POLR2F: variants seen among roughly 807,000 people sequenced by gnomAD.
POLR2F encodes the protein DNA-directed RNA polymerases I, II, and III subunit RPABC2.
POLR2F carries 12 observed loss-of-function variants against 22.7 expected under a neutral mutation model. The observed-to-expected ratio is 0.53, with a 90% CI of 0.34 to 0.86. POLR2F has a LOEUF of 0.86. POLR2F is among the 40% of genes least tolerant of loss of function. The probability of loss-of-function intolerance (pLI) is 0.02; values close to 1 mark genes in which losing one functional copy is unlikely to be tolerated. For synonymous variants in POLR2F, 57 were observed against 66.0 expected, an observed-to-expected ratio of 0.86 and a Z score of 0.66; for missense variants, 126 against 171.5, an observed-to-expected ratio of 0.73 and a Z score of 1.48.
chr22:38,021,006 G>T (rs1286401485), intron 1 of POLR2F, among the ~76,000 whole-genome samples: 1 of 152,176 alleles, frequency 6.6e-6, no homozygotes, highest in Non-Finnish European at 1.5e-5. Flanking sequence ...CTGTCCCTTT[G>T]CTCATGGCCA....
rs904138202 is a variant in POLR2F, at chr22:37,997,401, T to G, written c.120+11089T>G. Reference sequence around the variant, plus strand: ...CTTGGTGTCCTTCTTGTCCTGGCCCTCCTGCCCTGGCTCCCTGTCTCTCTC... The same window carrying G: ...CTTGGTGTCCTTCTTGTCCTGGCCCGCCTGCCCTGGCTCCCTGTCTCTCTC... On this transcript the variant is annotated intron_variant, in intron 1 of 2. Transcript: ENST00000333418. The surrounding 1 kb of genome is among the most constrained non-coding windows in gnomAD (Gnocchi z 4.4). Among the ~76,000 whole-genome samples the G allele has an allele frequency of 6.6e-6, 1 of 152,080 alleles. No individual in the cohort carries two copies. Among genetic ancestry groups the G allele is most frequent in the Non-Finnish European group, 1.5e-5 (1 of 68,014 alleles).
At chr22:38,012,171 T>G (rs1288254932) in intron 1 of POLR2F, among the ~76,000 whole-genome samples, 1 of 150,868 alleles carries the variant, frequency 6.6e-6, no homozygotes, top group Non-Finnish European at 1.5e-5. Context: ...AACCTCCACC[T>G]CCTGGGTTCA....
chr22:37,980,279 G>A lies in POLR2F; in HGVS notation c.293+13109G>A, dbSNP rs1352912622. ...AACCCACAGAGGAGAGAGCTGCTCC[G>A]CCAGCAGTGGACCCCAACAGAGGGG... On this transcript the variant is annotated intron_variant, in intron 4 of 4. Coordinates refer to the POLR2F transcript ENST00000405557. The surrounding 1 kb of genome is among the most constrained non-coding windows in gnomAD (Gnocchi z 4.1). Among the ~76,000 whole-genome samples the A allele has an allele frequency of 2.6e-5, 4 of 152,212 alleles. No individual in the cohort carries two copies. Among genetic ancestry groups the A allele is most frequent in the South Asian group, 2.1e-4 (1 of 4,818 alleles).
At chr22:38,030,759 A>C (rs184395361), downstream of POLR2F, among the ~76,000 whole-genome samples, 56 of 152,190 alleles carry the variant, frequency 3.7e-4, no homozygotes, top group Non-Finnish European at 1.5e-5. Context: ...CGGGATAAGA[A>C]GAGGTCATGC....
downstream of POLR2F, among the ~76,000 whole-genome samples, chr22:38,027,367 G>C (rs897510267): frequency 2.6e-5 from 4 of 152,072 alleles, no homozygotes; most frequent in Non-Finnish European, 5.9e-5. Context: ...GTGAAATGGA[G>C]GCGTGTCACC....
downstream of POLR2F, among the ~76,000 whole-genome samples, chr22:38,030,754 TAAG>T (rs2085056839): frequency 6.6e-6 from 1 of 151,962 alleles, no homozygotes; most frequent in African/African-American, 2.4e-5. Flanking sequence ...ACTCCCGGGA[TAAG>T]AAGAGGTCAT....
chr22:38,007,642 C>T (rs972383858), intron 1 of POLR2F, among the ~76,000 whole-genome samples: 2 of 152,166 alleles, frequency 1.3e-5, no homozygotes, highest in Non-Finnish European at 2.9e-5. Context: ...GAGAGGGCAC[C>T]GCGGGCCTCC....
intron 1 of POLR2F, among the ~76,000 whole-genome samples, chr22:37,990,099 C>G (rs1466123546): frequency 6.6e-6 from 1 of 152,214 alleles, no homozygotes; most frequent in East Asian, 1.9e-4. Flanking sequence ...TCAGCCTCGG[C>G]TCACCTTCCC....
upstream of POLR2F, among the ~76,000 whole-genome samples, chr22:37,982,702 T>TG (rs1491577712): frequency 6.6e-6 from 1 of 151,924 alleles, no homozygotes; most frequent in Non-Finnish European, 1.5e-5. Context: ...TTGGTGACTC[T>TG]GGGGCAGGGC....
intron 1 of POLR2F, among the ~76,000 whole-genome samples, chr22:38,021,104 C>T (rs1248828400): frequency 6.6e-6 from 1 of 152,128 alleles, no homozygotes; most frequent in Non-Finnish European, 1.5e-5. Context: ...CTGGGGCGCA[C>T]ACTGCTTCTG....
upstream of POLR2F, chr22:37,986,162 C>T (rs758878756): frequency 1.6e-5 from 24 of 1,535,212 alleles, no homozygotes; most frequent in Admixed American, 2.0e-4. The surrounding 1 kb of genome is among the most constrained non-coding windows in gnomAD (Gnocchi z 4.7). Context: ...AGCGCCCGCT[C>T]GGCCTCAGAA....
Position 37,977,978 on chromosome 22 carries a change from C to G in POLR2F, c.293+10808C>G, listed in dbSNP as rs763210407. 4 of 1,611,958 alleles carry G rather than the reference C, an allele frequency of 2.5e-6. No individual in the cohort carries two copies. In the Admixed American group the frequency reaches 6.7e-5, roughly 27 times the overall value. On this transcript the variant is annotated intron_variant, in intron 4 of 4. Coordinates refer to the POLR2F transcript ENST00000405557. ...TGGATGGCGGCGGTCCCACCTTGCT[C>G]GGCCTCCCCACCGGGGCACTCCGCC...
At chr22:37,973,802 C>T (rs779560278), downstream of POLR2F, 6 of 1,596,008 alleles carry the variant, frequency 3.8e-6, no homozygotes, top group African/African-American at 1.3e-5. Flanking sequence ...GTGTGGGGGC[C>T]CCTGGGGCCC....
downstream of POLR2F, chr22:37,973,881 C>T (rs771423290): frequency 1.2e-6 from 2 of 1,610,442 alleles, no homozygotes; most frequent in Admixed American, 3.3e-5. Context: ...AGAGCCACGC[C>T]TGGTGGCTTG....
upstream of POLR2F, chr22:37,983,668 T>G: frequency 6.3e-7 from 1 of 1,579,500 alleles, no homozygotes; most frequent in Non-Finnish European, 8.6e-7. This position sits in a 1 kb window ranked among gnomAD's most constrained non-coding sequence, Gnocchi z 9.5. Context: ...GCAGGCCCGA[T>G]CCGCCGCCGC....
chr22:38,025,534 C>T (rs752929856), intron 1 of POLR2F: 15 of 1,436,642 alleles, frequency 1.0e-5, no homozygotes, highest in Admixed American at 6.0e-5. Context: ...GATCGTCCCC[C>T]TCGTTTGCCT....
At chr22:37,960,189 T>C (rs1428187453) in intron 3 of POLR2F, among the ~76,000 whole-genome samples, 1 of 152,008 alleles carries the variant, frequency 6.6e-6, no homozygotes, top group African/African-American at 2.4e-5. Context: ...TCATGGCCCA[T>C]TGCAGCCTCA....
Position 37,967,900 on chromosome 22 carries a change from T to G in POLR2F, c.*185T>G. The G allele has an allele frequency of 7.5e-7, 1 of 1,331,830 alleles. No individual in the cohort carries two copies. The highest frequency in any genetic ancestry group is 9.6e-7 in the Non-Finnish European group (1 of 1,043,238). 82.5% of individuals were successfully genotyped at this position (1,331,830 alleles called of 1,614,324 possible). A position where few individuals can be genotyped will look rare whatever the true frequency, so the allele number is the denominator to read the frequency against. The stretch of plus-strand genomic sequence containing the variant: ...GCACCTATTCCAGTGGCCCTGTGAC[T>G]GTCAGCTCCTTAAGAAGCACCAGGG... On this transcript the variant is annotated 3_prime_UTR_variant, in exon 5 of 5. Coordinates refer to ENST00000442738, the MANE Select transcript of POLR2F (RefSeq NM_021974.5).
chr22:38,027,158 G>C (rs1268878155), downstream of POLR2F, among the ~76,000 whole-genome samples: 2 of 152,176 alleles, frequency 1.3e-5, no homozygotes, highest in Non-Finnish European at 2.9e-5. Context: ...ACTCGTTAGC[G>C]TATGGGGGAT....
Sources: allele counts gnomAD v4.1 joint callset (sites outside exome capture counted in the v4.1 genomes callset), GRCh38; gene constraint gnomAD v4.1.1; non-coding constraint Gnocchi (gnomAD v3.1); transcripts MANE v1.5; gene names NCBI Gene and HGNC (gene_info 2026-07-23, HGNC 2026-07-21).